LTBP1: variants seen among roughly 807,000 people sequenced by gnomAD.
LTBP1 encodes the protein latent transforming growth factor beta binding protein 1.
In LTBP1, 129 loss-of-function variants were observed where a neutral mutation model predicts 207.6. That is an observed-to-expected ratio of 0.62 (90% CI 0.54 to 0.72). The LOEUF is 0.72. Ranked by LOEUF, LTBP1 falls within the 30% of genes least tolerant of loss-of-function variation. The pLI, the probability that LTBP1 is intolerant of heterozygous loss-of-function variation, is 0.00. For missense variants in LTBP1, 2,281 were observed against 2,217.2 expected (o/e 1.03, Z -0.58); for synonymous variants, 963 against 833.7 (o/e 1.16, Z -2.67).
intron 3 of LTBP1, among the ~76,000 whole-genome samples, chr2:33,031,875 C>T (rs1452132305): frequency 6.6e-6 from 1 of 152,094 alleles, no homozygotes; most frequent in South Asian, 2.1e-4. Context: ...GTGTCAGGCT[C>T]ACCCTGGAAA....
chr2:33,167,829 A>C (rs1199046852), intron 5 of LTBP1, among the ~76,000 whole-genome samples: 1 of 152,190 alleles, frequency 6.6e-6, no homozygotes, highest in Non-Finnish European at 1.5e-5. Flanking sequence ...GGTTGCAAGA[A>C]CTAGATCAAG....
At chr2:33,163,820 T>G (rs182717618) in intron 5 of LTBP1, among the ~76,000 whole-genome samples, 240 of 152,244 alleles carry the variant, frequency 1.6e-3, no homozygotes, top group Non-Finnish European at 3.0e-3. Context: ...AATAAAGATT[T>G]GATAATTGTT....
chr2:33,319,270 C>T (rs1480967785), intron 24 of LTBP1, among the ~76,000 whole-genome samples: 1 of 151,954 alleles, frequency 6.6e-6, no homozygotes. Context: ...TGGTGGCAGG[C>T]ACCTGTCATC....
intron 3 of LTBP1, among the ~76,000 whole-genome samples, chr2:33,061,740 G>A (rs1392129697): frequency 6.6e-6 from 1 of 151,972 alleles, no homozygotes; most frequent in Non-Finnish European, 1.5e-5. Flanking sequence ...TTCTAGTTTG[G>A]GGCTATTATA....
intron 24 of LTBP1, among the ~76,000 whole-genome samples, chr2:33,337,700 GCCCTTACAGATCACTA>G (rs1331838283): frequency 6.6e-6 from 1 of 152,108 alleles, no homozygotes; most frequent in Non-Finnish European, 1.5e-5. Context: ...ATCATGCATG[GCCCTTACAGATCACTA>G]AGCAAAATTG....
At chr2:33,253,882 T>C (rs1481201928) in intron 11 of LTBP1, among the ~76,000 whole-genome samples, 1 of 92,514 alleles carries the variant, frequency 1.1e-5, no homozygotes, top group Non-Finnish European at 2.1e-5. Flanking sequence ...TCTGATGCAC[T>C]TTTTTTTTTT....
intron 24 of LTBP1, among the ~76,000 whole-genome samples, chr2:33,336,510 GT>G (rs773410088): frequency 3.5e-5 from 4 of 113,918 alleles, no homozygotes; most frequent in African/African-American, 2.3e-4. Flanking sequence ...TCAGGTTTCC[GT>G]TAAGTCAAAA....
chr2:32,959,621 A>ATATATTTTTTTTTTTTTTTT (rs1475834284), intron 2 of LTBP1, among the ~76,000 whole-genome samples: 2 of 36,668 alleles, frequency 5.5e-5, no homozygotes, highest in African/African-American at 9.6e-5. Flanking sequence ...ATATATATAT[A>ATATATTTTTTTTTTTTTTTT]TTTTTTTTTT....
At chr2:33,137,232 AT>A (rs1454569155) in intron 5 of LTBP1, among the ~76,000 whole-genome samples, 3 of 152,014 alleles carry the variant, frequency 2.0e-5, no homozygotes, top group Admixed American at 1.3e-4. Context: ...TGATTTTCTG[AT>A]TTTTTTCTTC....
intron 24 of LTBP1, chr2:33,332,784 C>A (rs1371578546): frequency 6.6e-6 from 1 of 152,200 alleles, no homozygotes; most frequent in Non-Finnish European, 1.5e-5. Flanking sequence ...ACTGAAGGAT[C>A]TCTCTAAAGA....
chr2:33,205,830 G>A (rs979970818), intron 7 of LTBP1, among the ~76,000 whole-genome samples: 1 of 152,174 alleles, frequency 6.6e-6, no homozygotes, highest in Non-Finnish European at 1.5e-5. Context: ...GGGCCCTGAT[G>A]TGATAGGACC....
intron 3 of LTBP1, among the ~76,000 whole-genome samples, chr2:33,074,407 AGATACT>A (rs67782124): frequency 0.065 from 9,863 of 152,172 alleles, 400 homozygotes; most frequent in South Asian, 0.18. Context: ...ACTAGGGTAG[AGATACT>A]GAAAGAGCTG....
chr2:33,001,926 C>G (rs941168754), intron 2 of LTBP1, among the ~76,000 whole-genome samples: 4 of 134,624 alleles, frequency 3.0e-5, no homozygotes, highest in Non-Finnish European at 4.9e-5. Context: ...AGATTTCCAT[C>G]CTTTCAGTCT....
intron 2 of LTBP1, among the ~76,000 whole-genome samples, chr2:32,967,953 C>T (rs1680245460): frequency 6.6e-6 from 1 of 150,838 alleles, no homozygotes; most frequent in South Asian, 2.1e-4. Flanking sequence ...ATTATGGATT[C>T]ATCTATTATT....
At chr2:32,986,310 T>C (rs1007880561) in intron 2 of LTBP1, among the ~76,000 whole-genome samples, 1 of 152,000 alleles carries the variant, frequency 6.6e-6, no homozygotes, top group African/African-American at 2.4e-5. Flanking sequence ...GGGGAATGGA[T>C]GTGTGCAAGG....
At chr2:33,324,951 C>T (rs550253430) in intron 24 of LTBP1, among the ~76,000 whole-genome samples, 1 of 152,158 alleles carries the variant, frequency 6.6e-6, no homozygotes, top group Admixed American at 6.6e-5. Flanking sequence ...GTAATCCACC[C>T]ACCTCGGCCT....
In LTBP1 at chr2:33,042,064, T is replaced by C. The variant is rs530772699; in HGVS notation, c.863+20858T>C. On this transcript the variant is annotated intron_variant, in intron 3 of 33. Transcript: ENST00000404816. Reference sequence around the variant, plus strand: ...TAATAGGTGTATAGTCGTAGCTCATTGGGCTTTTAATGTGAATTTTTCTAG... The same window carrying C: ...TAATAGGTGTATAGTCGTAGCTCATCGGGCTTTTAATGTGAATTTTTCTAG... Among the ~76,000 whole-genome samples the C allele has an allele frequency of 6.6e-5, 10 of 152,348 alleles. No individual in the cohort carries two copies. In the South Asian group the frequency reaches 1.5e-3, roughly 22 times the overall value.
chr2:33,136,339 C>T (rs1438248313), intron 5 of LTBP1, among the ~76,000 whole-genome samples: 1 of 152,210 alleles, frequency 6.6e-6, no homozygotes, highest in Non-Finnish European at 1.5e-5. Context: ...CACTAACTAG[C>T]TAATCCGTAG....
Position 33,342,959 on chromosome 2 carries a change from T to C in LTBP1, c.3852T>C (p.Cys1284=). ...AAGCCCCACAGGATGGGCAAGGGTGTGTGGGTGAGTTTTTAGATTTTTTCC... is the reference window on the plus strand; with the variant it reads ...AAGCCCCACAGGATGGGCAAGGGTGCGTGGGTGAGTTTTTAGATTTTTTCC... The part of the protein sequence containing the change: ...GFQAPQDGQG[C]VDVNECELLS... Residue 1284 remains cysteine, a synonymous_variant, in exon 25 of 34, where the codon TGT becomes TGC. Transcript: ENST00000404816. The C allele has an allele frequency of 1.2e-6, 2 of 1,609,384 alleles. No homozygotes were observed. The highest frequency in any genetic ancestry group is 1.7e-6 in the Non-Finnish European group (2 of 1,177,710).
Sources: allele counts gnomAD v4.1 joint callset (sites outside exome capture counted in the v4.1 genomes callset), GRCh38; gene constraint gnomAD v4.1.1; transcripts MANE v1.5; gene names NCBI Gene and HGNC (gene_info 2026-07-23, HGNC 2026-07-21).